Variants in TLK1 observed in about 807,000 individuals in gnomAD.
TLK1 encodes serine/threonine-protein kinase tousled-like 1.
A neutral mutation model predicts 105.3 loss-of-function variants in TLK1; 24 were observed. The ratio of observed to expected loss-of-function variants is 0.23; its 90% confidence interval spans 0.17 to 0.32. TLK1 has a LOEUF of 0.32. Among genes scored for constraint, TLK1 ranks in the 10% least tolerant of loss-of-function variants. TLK1 has a pLI of 1.00. For missense variants in TLK1, 558 were observed against 910.5 expected (o/e 0.61, Z 4.98); for synonymous variants, 321 against 310.4 (o/e 1.03, Z -0.36).
In TLK1 at chr2:170,991,401, G is replaced by C. The variant is rs1280817839; in HGVS notation, c.*2379C>G. The C allele has an allele frequency of 1.3e-5, 2 of 152,120 alleles. No individual in the cohort carries two copies. The highest frequency in any genetic ancestry group is 3.8e-4 in the East Asian group (2 of 5,202). The allele number at this position is 152,120 out of a possible 1,614,324, so 9.4% of individuals were successfully genotyped here. A position where few individuals can be genotyped will look rare whatever the true frequency, so the allele number is the denominator to read the frequency against. ...TAAGTTATTCAATGTGGCTAAATTA[G>C]CCATCTTGGTTAGCCATCTTGGACC... On this transcript the variant is annotated 3_prime_UTR_variant, in exon 21 of 21. Transcript: ENST00000431350.
chr2:171,044,400 A>G (rs545025020), intron 11 of TLK1, among the ~76,000 whole-genome samples: 8 of 152,374 alleles, frequency 5.3e-5, no homozygotes, highest in African/African-American at 1.9e-4. Flanking sequence ...GTGTAAAGAC[A>G]GACTGAATCG....
At chr2:171,015,042 G>C in intron 12 of TLK1, 94 bp from the exon 13 acceptor site, 1 of 909,080 alleles carries the variant, frequency 1.1e-6, no homozygotes, top group Non-Finnish European at 1.8e-6. Flanking sequence ...ACAGTGATGG[G>C]AAGAATAGTA....
intron 3 of TLK1, among the ~76,000 whole-genome samples, chr2:171,064,945 C>T (rs746382539): frequency 2.6e-5 from 4 of 152,160 alleles, no homozygotes; most frequent in Non-Finnish European, 4.4e-5. Flanking sequence ...TTTAACTAAT[C>T]CTCCAATTTT....
intron 1 of TLK1, among the ~76,000 whole-genome samples, chr2:171,199,606 G>A (rs367634497): frequency 6.6e-5 from 10 of 152,200 alleles, no homozygotes; most frequent in African/African-American, 2.4e-4. Context: ...TCTGAAGTTC[G>A]AGGGCTCCCT....
chr2:171,192,488 G>C (rs1693174833), intron 1 of TLK1, among the ~76,000 whole-genome samples: 2 of 152,014 alleles, frequency 1.3e-5, no homozygotes, highest in Admixed American at 1.3e-4. Flanking sequence ...GACCATCGTG[G>C]CTAACACAGT....
chr2:171,019,855 C>T lies in TLK1; in HGVS notation c.1237-4907G>A, dbSNP rs143022112. ...GGTGGATCACCTGAGGTCAGGAGTTCGAGACCAGCCTGGCCAACATGGCAA... is the reference window on the plus strand; with the variant it reads ...GGTGGATCACCTGAGGTCAGGAGTTTGAGACCAGCCTGGCCAACATGGCAA... On this transcript the variant is annotated intron_variant, in intron 12 of 20. Transcript: ENST00000431350. Among the ~76,000 whole-genome samples the T allele has an allele frequency of 3.8e-3, 577 of 152,024 alleles. 10 individuals carry two copies. The South Asian group carries it at 0.044, about 12-fold the overall frequency.
intron 2 of TLK1, chr2:171,091,485 C>T (rs927234097): frequency 6.6e-6 from 1 of 152,134 alleles, no homozygotes; most frequent in African/African-American, 2.4e-5. Context: ...AATTTCATGA[C>T]AGCAACATAG....
intron 1 of TLK1, among the ~76,000 whole-genome samples, chr2:171,224,087 G>A (rs1474673982): frequency 6.6e-6 from 1 of 152,044 alleles, no homozygotes; most frequent in African/African-American, 2.4e-5. Context: ...TGAGGTCTTA[G>A]ATTTAAGTCT....
At chr2:171,111,693 C>G (rs756642656) in intron 2 of TLK1, among the ~76,000 whole-genome samples, 23 of 151,680 alleles carry the variant, frequency 1.5e-4, no homozygotes, top group Non-Finnish European at 2.5e-4. Context: ...ATACAGGATG[C>G]TGAAAAAACT....
At chr2:171,067,349 G>C (rs991088863) in intron 3 of TLK1, among the ~76,000 whole-genome samples, 1 of 151,580 alleles carries the variant, frequency 6.6e-6, no homozygotes, top group Admixed American at 6.6e-5. Context: ...TTTTAGTAGA[G>C]ATGGGGTTTC....
rs138877322 is a variant in TLK1, at chr2:171,076,476, A to T, written c.330+6305T>A. On this transcript the variant is annotated intron_variant, in intron 3 of 20. Coordinates refer to ENST00000431350, the MANE Select transcript of TLK1 (RefSeq NM_012290.5). ...AGCCAAATAAACTTCTGTTCATTATAAATTGCCCAGTCTGTGATATTCTGT... is the reference window on the plus strand; with the variant it reads ...AGCCAAATAAACTTCTGTTCATTATTAATTGCCCAGTCTGTGATATTCTGT... 2.8e-3 allele frequency among the ~76,000 whole-genome samples: 424 copies of T among 152,222 alleles called. 1 individual carries two copies. Among genetic ancestry groups the T allele is most frequent in the African/African-American group, 9.5e-3 (393 of 41,526 alleles).
intron 1 of TLK1, among the ~76,000 whole-genome samples, chr2:171,205,415 C>T (rs1055959363): frequency 1.3e-5 from 2 of 151,898 alleles, no homozygotes; most frequent in Non-Finnish European, 1.5e-5. Flanking sequence ...CTTGACTACC[C>T]AGGCTCAAGC....
rs1684118229 is a variant in TLK1, at chr2:170,997,416, G to T, written c.2016+296C>A. ...TGTAAGAGGAGGTCAAGTGAATGGT[G>T]GATAATGAAAAGTATTGACTCCAGT... On this transcript the variant is annotated intron_variant, in intron 19 of 20. Transcript: ENST00000431350. Among the ~76,000 whole-genome samples, 3 of 152,200 alleles carry T rather than the reference G, an allele frequency of 2.0e-5. No individual in the cohort carries two copies. The South Asian group carries it at 6.2e-4, about 32-fold the overall frequency.
At chr2:171,194,820 GAAA>G (rs370489277) in intron 1 of TLK1, among the ~76,000 whole-genome samples, 5 of 94,376 alleles carry the variant, frequency 5.3e-5, no homozygotes, top group Non-Finnish European at 9.9e-5. Context: ...CCGTCTCAGG[GAAA>G]AAAAAAAAAA....
intron 2 of TLK1, among the ~76,000 whole-genome samples, chr2:171,113,279 T>C (rs974105619): frequency 9.9e-5 from 15 of 151,930 alleles, no homozygotes; most frequent in Non-Finnish European, 1.5e-4. Flanking sequence ...ATCCTTTTTT[T>C]TTTTTTTTGA....
intron 1 of TLK1, among the ~76,000 whole-genome samples, chr2:171,208,925 T>C (rs955161162): frequency 6.6e-6 from 1 of 152,224 alleles, no homozygotes; most frequent in Non-Finnish European, 1.5e-5. Context: ...GGAAATGACA[T>C]GTATGAGTTT....
At chr2:171,120,458 C>A (rs953761895) in intron 1 of TLK1, among the ~76,000 whole-genome samples, 14 of 151,636 alleles carry the variant, frequency 9.2e-5, no homozygotes, top group Non-Finnish European at 8.8e-5. Flanking sequence ...ACAAAAAAAA[C>A]CCAATTAAAA....
intron 2 of TLK1, among the ~76,000 whole-genome samples, chr2:171,114,152 T>C (rs1229987435): frequency 6.6e-6 from 1 of 152,190 alleles, no homozygotes; most frequent in Non-Finnish European, 1.5e-5. Context: ...TCATTACTTA[T>C]TATTTTCATC....
At chr2:170,999,933 A>T (rs866032454) in intron 18 of TLK1, among the ~76,000 whole-genome samples, 14 of 151,866 alleles carry the variant, frequency 9.2e-5, no homozygotes, top group Non-Finnish European at 1.8e-4. Flanking sequence ...TAATTTTTTT[A>T]AAAAATTTAT....
Sources: allele counts gnomAD v4.1 joint callset (sites outside exome capture counted in the v4.1 genomes callset), GRCh38; gene constraint gnomAD v4.1.1; transcripts MANE v1.5; gene names NCBI Gene and HGNC (gene_info 2026-07-23, HGNC 2026-07-21).